UBAC2: variants seen among roughly 807,000 people sequenced by gnomAD.
UBAC2 encodes ubiquitin-associated domain-containing protein 2.
Under a neutral mutation model 44.0 loss-of-function variants are expected in UBAC2, and 26 were observed. The ratio of observed to expected loss-of-function variants is 0.59; its 90% CI spans 0.43 to 0.82. The LOEUF (loss-of-function observed/expected upper bound fraction) is 0.82, where lower values mean the gene tolerates loss of function less well. Among genes scored for constraint, UBAC2 ranks in the 40% least tolerant of loss-of-function variants. UBAC2 has a pLI of 0.00. For synonymous variants in UBAC2, 155 were observed against 154.3 expected, an observed-to-expected ratio of 1.00 and a Z score of -0.04; for missense variants, 329 against 419.4, an observed-to-expected ratio of 0.78 and a Z score of 1.88.
At chr13:99,272,199 A>G (rs1036904223) in intron 4 of UBAC2, among the ~76,000 whole-genome samples, 1 of 152,186 alleles carries the variant, frequency 6.6e-6, no homozygotes, top group African/African-American at 2.4e-5. Context: ...GCTTGTATCT[A>G]GGTCAAGTGC....
rs148795491 is a variant in UBAC2 at position 99,255,104 on chromosome 13, G to A, written c.389+10480G>A. Reference sequence around the variant, plus strand: ...TTGTAACTGTTCTCCCCCGTTCCCAGCATCAGGAAAGCGAAACAGATGTGG... The same window carrying A: ...TTGTAACTGTTCTCCCCCGTTCCCAACATCAGGAAAGCGAAACAGATGTGG... On this transcript the variant is annotated intron_variant, in intron 4 of 8. Transcript: ENST00000403766. 9 of 1,613,994 alleles carry A rather than the reference G, an allele frequency of 5.6e-6. No homozygotes were observed. The African/African-American group carries it at 8.0e-5, about 14-fold the overall frequency.
At chr13:99,288,968 T>G (rs1157226075) in intron 4 of UBAC2, among the ~76,000 whole-genome samples, 2 of 152,254 alleles carry the variant, frequency 1.3e-5, no homozygotes, top group African/African-American at 4.8e-5. Context: ...ATGGAGTTTA[T>G]GTTTCATTTG....
intron 1 of UBAC2, among the ~76,000 whole-genome samples, chr13:99,229,955 A>T (rs1035173337): frequency 6.6e-6 from 1 of 152,186 alleles, no homozygotes; most frequent in Middle Eastern, 3.2e-3. Context: ...TATGGGGAGT[A>T]TCTATCTTAA....
intron 4 of UBAC2, among the ~76,000 whole-genome samples, chr13:99,250,918 T>C (rs976000756): frequency 3.3e-5 from 5 of 151,996 alleles, no homozygotes; most frequent in Admixed American, 6.6e-5. Context: ...GGCTACTTTC[T>C]TTTGTATTTT....
At chr13:99,359,708 A>G (rs2045238670) in intron 7 of UBAC2, among the ~76,000 whole-genome samples, 2 of 152,208 alleles carry the variant, frequency 1.3e-5, no homozygotes, top group Non-Finnish European at 2.9e-5. Context: ...TGTGTGTGCC[A>G]TGAGGTGGAA....
In UBAC2 at chr13:99,232,399, G is replaced by GAGATAGATAGATATAT. The variant is rs1367302629; in HGVS notation, c.32-6027_32-6026insGATAGATAGATATATA. Among the ~76,000 whole-genome samples the GAGATAGATAGATATAT allele has an allele frequency of 6.2e-3, 687 of 109,964 alleles. 19 individuals carry two copies. The highest frequency in any genetic ancestry group is 0.019 in the African/African-American group (668 of 35,172). The allele number at this position is 109,964 out of a possible 152,430, so 72.1% of individuals were successfully genotyped here. A position where few individuals can be genotyped will look rare whatever the true frequency, so the allele number is the denominator to read the frequency against. ...AGACCCTGTCCATCCTTAGTTGAGA[G>GAGATAGATAGATATAT]ATATAGATATATATATATATATTCA... On this transcript the variant is annotated intron_variant, in intron 1 of 8. Coordinates refer to ENST00000403766, the MANE Select transcript of UBAC2 (RefSeq NM_001144072.2).
intron 6 of UBAC2, among the ~76,000 whole-genome samples, chr13:99,331,563 A>G (rs1471248469): frequency 6.6e-6 from 1 of 152,234 alleles, no homozygotes; most frequent in Non-Finnish European, 1.5e-5. Context: ...ATTCCCTCAT[A>G]TGAGATAGAA....
In UBAC2 at chr13:99,354,021, A is replaced by G. The variant is rs538763694; in HGVS notation, c.807+13456A>G. Among the ~76,000 whole-genome samples the G allele has an allele frequency of 1.1e-4, 16 of 152,360 alleles. No homozygotes were observed. In the South Asian group the frequency reaches 2.9e-3, roughly 28 times the overall value. ...GAGATTTGGTAAAATCATTCTGTCTAAGCAATGGAGGTGTGTGCACACGTG... is the reference window on the plus strand; with the variant it reads ...GAGATTTGGTAAAATCATTCTGTCTGAGCAATGGAGGTGTGTGCACACGTG... On this transcript the variant is annotated intron_variant, in intron 7 of 8. Transcript: ENST00000403766.
chr13:99,381,954 T>G (rs886963975), intron 8 of UBAC2, among the ~76,000 whole-genome samples: 6 of 152,348 alleles, frequency 3.9e-5, no homozygotes, highest in South Asian at 4.1e-4. Context: ...CCAATCCTGT[T>G]GGCAAGAGAT....
At chr13:99,385,113 T>G (rs1162068444) in intron 8 of UBAC2, 115 bp from the exon 9 acceptor site, 8 of 750,736 alleles carry the variant, frequency 1.1e-5, no homozygotes, top group African/African-American at 8.8e-5. Flanking sequence ...TGAAAATTGG[T>G]TTTTTTGTAA....
intron 6 of UBAC2, among the ~76,000 whole-genome samples, chr13:99,330,458 CAAAAAA>C (rs59409181): frequency 4.3e-5 from 2 of 46,044 alleles, no homozygotes; most frequent in East Asian, 7.1e-4. Flanking sequence ...GACGTCATCT[CAAAAAA>C]AAAAAAAAAA....
At chr13:99,291,195 A>G (rs1044566991) in intron 4 of UBAC2, among the ~76,000 whole-genome samples, 1 of 152,206 alleles carries the variant, frequency 6.6e-6, no homozygotes, top group Non-Finnish European at 1.5e-5. Context: ...GTTAAATAAG[A>G]TGATGCCTGT....
At chr13:99,272,510 T>TG (rs2043828922) in intron 4 of UBAC2, among the ~76,000 whole-genome samples, 1 of 151,926 alleles carries the variant, frequency 6.6e-6, no homozygotes, top group Admixed American at 6.6e-5. Context: ...TGTCATAGAG[T>TG]GGGTGGCTTA....
At chr13:99,354,392 A>C (rs1220868527) in intron 7 of UBAC2, among the ~76,000 whole-genome samples, 1 of 152,244 alleles carries the variant, frequency 6.6e-6, no homozygotes, top group Admixed American at 6.5e-5. Flanking sequence ...GAGACAGCTC[A>C]TAACTAGCTT....
chr13:99,201,322 T>A, intron 1 of UBAC2: 1 of 1,505,696 alleles, frequency 6.6e-7, no homozygotes, highest in Non-Finnish European at 8.9e-7. Context: ...GCCCCATTCT[T>A]TTAGGCTTGG....
chr13:99,371,394 T>C (rs2045405259), intron 8 of UBAC2, among the ~76,000 whole-genome samples: 1 of 152,238 alleles, frequency 6.6e-6, no homozygotes, highest in African/African-American at 2.4e-5. Flanking sequence ...AAACCATTGT[T>C]GCCTTAAAGA....
intron 7 of UBAC2, among the ~76,000 whole-genome samples, chr13:99,359,623 A>C (rs1476460645): frequency 6.6e-6 from 1 of 152,178 alleles, no homozygotes; most frequent in Non-Finnish European, 1.5e-5. Context: ...GGGCAACTGG[A>C]AAGGGCCTGA....
At chr13:99,340,614 A>G in intron 7 of UBAC2, 49 bp downstream of exon 7, 3 of 1,581,012 alleles carry the variant, frequency 1.9e-6, no homozygotes, top group Non-Finnish European at 2.6e-6. Flanking sequence ...CAGTGGCCCA[A>G]GCAAATCTTT....
chr13:99,368,217 G>A (rs2045357577), intron 8 of UBAC2, among the ~76,000 whole-genome samples: 1 of 152,214 alleles, frequency 6.6e-6, no homozygotes, highest in African/African-American at 2.4e-5. Flanking sequence ...GGGACAAGGA[G>A]GTGGGAGGAT....
Sources: gnomAD v4.1 joint callset for allele counts (sites outside exome capture counted in the v4.1 genomes callset) on GRCh38, gnomAD v4.1.1 for gene constraint, MANE v1.5 for transcripts, NCBI Gene and HGNC (gene_info 2026-07-23, HGNC 2026-07-21) for gene names.